DLGAP2: variants seen among roughly 807,000 people sequenced by gnomAD.
DLGAP2 encodes disks large-associated protein 2.
DLGAP2 carries 26 observed loss-of-function variants against 100.3 expected under a neutral mutation model. The observed-to-expected ratio is 0.26, with a 90% CI of 0.19 to 0.36. The LOEUF is 0.36. DLGAP2 is among the 10% of genes least tolerant of loss of function. DLGAP2 has a pLI of 1.00. For synonymous variants in DLGAP2, 886 were observed against 630.1 expected (o/e 1.41, Z -6.08); for missense variants, 1,858 against 1,453.2 (o/e 1.28, Z -4.53).
chr8:1,322,339 TA>T (rs1272139756), intron 3 of DLGAP2, among the ~76,000 whole-genome samples: 1 of 152,222 alleles, frequency 6.6e-6, no homozygotes, highest in Non-Finnish European at 1.5e-5. Context: ...TTTACCACAA[TA>T]AATACAACAA....
intron 3 of DLGAP2, among the ~76,000 whole-genome samples, chr8:1,365,400 C>G (rs573302871): frequency 6.6e-6 from 1 of 152,276 alleles, no homozygotes; most frequent in Non-Finnish European, 1.5e-5. Flanking sequence ...TCTCCACTGG[C>G]TCTCCTCTCC....
At chr8:1,198,569 C>A (rs1797803347) in intron 2 of DLGAP2, among the ~76,000 whole-genome samples, 2 of 152,120 alleles carry the variant, frequency 1.3e-5, no homozygotes, top group African/African-American at 4.8e-5. Context: ...GGGCCAGGTC[C>A]CAGGTGGCAG....
At chr8:819,632 T>C (rs191453785) in intron 1 of DLGAP2, among the ~76,000 whole-genome samples, 1 of 152,308 alleles carries the variant, frequency 6.6e-6, no homozygotes, top group South Asian at 2.1e-4. Flanking sequence ...GATCAATGAA[T>C]GAACATTATT....
chr8:1,099,975 G>T (rs919651085), intron 2 of DLGAP2, among the ~76,000 whole-genome samples: 5 of 152,220 alleles, frequency 3.3e-5, no homozygotes, highest in Non-Finnish European at 7.3e-5. Context: ...AGTCAACTGA[G>T]ATCTGAAAAT....
At chr8:1,493,146 A>G (rs1302541434) in intron 3 of DLGAP2, among the ~76,000 whole-genome samples, 22 of 152,230 alleles carry the variant, frequency 1.4e-4, no homozygotes, top group Admixed American at 1.4e-3. Flanking sequence ...GGATCCGTGT[A>G]GCAAGAACTC....
Position 1,702,123 on chromosome 8 carries a change from G to C in DLGAP2, c.*717G>C, listed in dbSNP as rs1315615633. On this transcript the variant is annotated 3_prime_UTR_variant, in exon 15 of 15. Coordinates refer to ENST00000637795, the MANE Select transcript of DLGAP2 (RefSeq NM_001346810.2). ...TCTACACATTCAAAAGATAAGCTGA[G>C]TGTTCCCACCAGGAAGTCACGCGCA... The C allele has an allele frequency of 1.3e-5, 2 of 152,222 alleles. No homozygotes were observed. Among genetic ancestry groups the C allele is most frequent in the South Asian group, 2.1e-4 (1 of 4,834 alleles). The allele number at this position is 152,222 out of a possible 1,614,324, so 9.4% of individuals were successfully genotyped here. A position where few individuals can be genotyped will look rare whatever the true frequency, so the allele number is the denominator to read the frequency against.
At chr8:1,154,969 G>T (rs1044842121) in intron 2 of DLGAP2, among the ~76,000 whole-genome samples, 2 of 152,216 alleles carry the variant, frequency 1.3e-5, no homozygotes, top group Non-Finnish European at 2.9e-5. Context: ...TCACCAGGAC[G>T]TGAATGGCTA....
chr8:1,470,775 A>ACCCCTCCAGGCTTTCACGACCCCTCCAGC (rs1563168449), intron 3 of DLGAP2, among the ~76,000 whole-genome samples: 1 of 76,046 alleles, frequency 1.3e-5, no homozygotes. Flanking sequence ...GCCTTTCCCG[A>ACCCCTCCAGGCTTTCACGACCCCTCCAGC]CTCCCCCAGC....
At chr8:950,776 C>T (rs934076588) in intron 2 of DLGAP2, among the ~76,000 whole-genome samples, 2 of 151,884 alleles carry the variant, frequency 1.3e-5, no homozygotes, top group Non-Finnish European at 2.9e-5. Context: ...CATGTGCCAC[C>T]GTGCCCGGCT....
chr8:1,148,161 T>G (rs890564106), intron 2 of DLGAP2, among the ~76,000 whole-genome samples: 1 of 152,174 alleles, frequency 6.6e-6, no homozygotes, highest in Non-Finnish European at 1.5e-5. Flanking sequence ...TGTTAAGATT[T>G]TTTTATTTCT....
At chr8:1,203,076 A>C (rs1407074410) in intron 2 of DLGAP2, among the ~76,000 whole-genome samples, 1 of 151,966 alleles carries the variant, frequency 6.6e-6, no homozygotes, top group Admixed American at 6.6e-5. Context: ...GGCTCTCCCA[A>C]ATGGGCTGCT....
intron 3 of DLGAP2, among the ~76,000 whole-genome samples, chr8:1,473,994 T>C (rs1798868868): frequency 6.6e-6 from 1 of 152,200 alleles, no homozygotes; most frequent in South Asian, 2.1e-4. Context: ...GACTAATACA[T>C]GAGCAGTGTA....
chr8:1,037,831 C>G, intron 2 of DLGAP2, among the ~76,000 whole-genome samples: 1 of 152,192 alleles, frequency 6.6e-6, no homozygotes, highest in Non-Finnish European at 1.5e-5. Context: ...CAGAATCACC[C>G]TGGGAAAGCT....
intron 2 of DLGAP2, among the ~76,000 whole-genome samples, chr8:1,077,580 G>C (rs968271595): frequency 1.3e-5 from 2 of 152,214 alleles, no homozygotes; most frequent in East Asian, 3.9e-4. Context: ...GTGCTAACAA[G>C]AAGGTGAGAT....
chr8:1,669,585 TG>T (rs1798637149), intron 9 of DLGAP2, among the ~76,000 whole-genome samples, 157 bp from the exon 10 acceptor site: 1 of 152,190 alleles, frequency 6.6e-6, no homozygotes, highest in South Asian at 2.1e-4. Flanking sequence ...TGATTGCCGC[TG>T]GGGCGGCCCA....
chr8:1,339,305 G>A (rs1585275512), intron 3 of DLGAP2, among the ~76,000 whole-genome samples: 1 of 150,012 alleles, frequency 6.7e-6, no homozygotes, highest in Non-Finnish European at 1.5e-5. Context: ...GAGGCATCAG[G>A]ACCCGGGAGG....
intron 3 of DLGAP2, among the ~76,000 whole-genome samples, chr8:1,309,513 C>T (rs1307253066): frequency 1.3e-5 from 2 of 152,132 alleles, no homozygotes; most frequent in South Asian, 2.1e-4. Context: ...AACTATCCTT[C>T]ACAATGAAGG....
chr8:1,120,624 C>G (rs1363327905), intron 2 of DLGAP2, among the ~76,000 whole-genome samples: 1 of 151,890 alleles, frequency 6.6e-6, no homozygotes, highest in Non-Finnish European at 1.5e-5. Context: ...CCATGACCAC[C>G]CATCCTCATT....
At chr8:840,037 A>G (rs1478185295) in intron 1 of DLGAP2, among the ~76,000 whole-genome samples, 2 of 108,424 alleles carry the variant, frequency 1.8e-5, no homozygotes, top group African/African-American at 3.7e-5. Context: ...GAGCGCGTCC[A>G]CACGGTGCAC....
Sources: allele counts gnomAD v4.1 joint callset (sites outside exome capture counted in the v4.1 genomes callset), GRCh38; gene constraint gnomAD v4.1.1; transcripts MANE v1.5; gene names NCBI Gene and HGNC (gene_info 2026-07-23, HGNC 2026-07-21).